Variants in TBL1Y observed in about 807,000 individuals in gnomAD.
The protein encoded by TBL1Y is transducin beta like 1 Y-linked.
A neutral mutation model predicts 12.0 loss-of-function variants in TBL1Y; 15 were observed. That is an observed-to-expected ratio of 1.25 (90% CI 0.83 to 1.92). The LOEUF is 1.92. TBL1Y is among the 40% of genes most tolerant of loss of function. The probability of loss-of-function intolerance (pLI) is 0.00; values close to 1 mark genes in which losing one functional copy is unlikely to be tolerated. For synonymous variants in TBL1Y, 53 were observed against 42.6 expected (o/e 1.24, Z -0.95); for missense variants, 148 against 116.7 (o/e 1.27, Z -1.24).
chrY:7,080,995 A>G lies in TBL1Y; in HGVS notation c.1077+142A>G. On this transcript the variant is annotated intron_variant, in intron 14 of 18. Transcript: ENST00000383032. ...TTGGCTGCTTGAGCTATAGTGGCCA[A>G]TTCAGGTGGATGGATTCAACCACTT... 4 of 242,114 alleles carry G rather than the reference A, an allele frequency of 1.7e-5. No homozygotes were observed. In the East Asian group the frequency reaches 4.3e-4, roughly 26 times the overall value. The allele number at this position is 242,114 out of a possible 400,897, so 60.4% of individuals were successfully genotyped here. A position where few individuals can be genotyped will look rare whatever the true frequency, so the allele number is the denominator to read the frequency against.
chrY:7,012,769 G>A (rs1035217941), intron 4 of TBL1Y, among the ~76,000 whole-genome samples: 2 of 33,988 alleles, frequency 5.9e-5, no homozygotes, highest in African/African-American at 1.1e-4. Context: ...ACCTCAGTAC[G>A]CTGCTTCCTG....
chrY:7,018,965 G>A (rs2012568195), intron 4 of TBL1Y, among the ~76,000 whole-genome samples: 1 of 33,438 alleles, frequency 3.0e-5, no homozygotes, highest in Non-Finnish European at 7.4e-5. Context: ...TGTTGTATCA[G>A]CTTGGAGAGC....
At chrY:7,026,997 G>A in intron 6 of TBL1Y, among the ~76,000 whole-genome samples, 1 of 3 alleles carries the variant, frequency 0.33, no homozygotes, top group African/African-American at 0.5. Context: ...CAACCTCCTA[G>A]GCTGAAGCCC....
intron 8 of TBL1Y, among the ~76,000 whole-genome samples, 155 bp downstream of exon 8, chrY:7,064,304 C>G: frequency 3.0e-5 from 1 of 33,289 alleles, no homozygotes; most frequent in East Asian, 7.9e-4. Context: ...CCCAGAAGAG[C>G]TCCCGTTCCA....
At chrY:7,028,750 C>T in intron 6 of TBL1Y, among the ~76,000 whole-genome samples, 2 of 33,566 alleles carry the variant, frequency 6.0e-5, no homozygotes, top group Non-Finnish European at 1.5e-4. Flanking sequence ...CTCTGTCTTA[C>T]GGGATCCATT....
intron 4 of TBL1Y, among the ~76,000 whole-genome samples, chrY:7,018,941 G>A: frequency 3.0e-5 from 1 of 33,544 alleles, no homozygotes; most frequent in Non-Finnish European, 7.3e-5. Context: ...CTATGGAGAA[G>A]CAGGCACATG....
At chrY:6,961,326 G>A in intron 2 of TBL1Y, among the ~76,000 whole-genome samples, 1 of 31,111 alleles carries the variant, frequency 3.2e-5, no homozygotes, top group African/African-American at 1.3e-4. Context: ...GCTGGGCCCA[G>A]GTCGGCGGCT....
chrY:7,000,595 C>T, intron 4 of TBL1Y, among the ~76,000 whole-genome samples: 7 of 33,822 alleles, frequency 2.1e-4, no homozygotes, highest in African/African-American at 8.0e-4. Context: ...TAAGACTAAA[C>T]CTGGTTCAGG....
chrY:7,014,447 T>A (rs1603038374), intron 4 of TBL1Y, among the ~76,000 whole-genome samples: 3 of 31,839 alleles, frequency 9.4e-5, no homozygotes, highest in Admixed American at 3.0e-4. Flanking sequence ...CTTTTTTTTT[T>A]AATAAATTAC....
intron 2 of TBL1Y, among the ~76,000 whole-genome samples, chrY:6,964,430 T>C (rs1010563523): frequency 3.0e-5 from 1 of 33,867 alleles, no homozygotes; most frequent in Non-Finnish European, 7.3e-5. Flanking sequence ...TCCCAGGCCC[T>C]GAGGCAAATA....
intron 2 of TBL1Y, among the ~76,000 whole-genome samples, chrY:6,943,794 T>G: frequency 2.9e-5 from 1 of 33,927 alleles, no homozygotes; most frequent in African/African-American, 1.2e-4. Flanking sequence ...AGTAGAACTT[T>G]CTACCATATG....
At position 7,091,472 on chromosome Y, in the gene TBL1Y, G is replaced by C; in HGVS notation, c.1549G>C (p.Val517Leu). The C allele has an allele frequency of 2.6e-6, 1 of 384,067 alleles. No individual in the cohort carries two copies. The highest frequency in any genetic ancestry group is 3.6e-6 in the Non-Finnish European group (1 of 276,220). ...ACAAGTACTTTGTCTTTCCTTCCAG[G>C]TGTGTGTTCTGGATCTGTGAAAGTA... is the stretch of plus-strand genomic sequence containing the variant. ...KVGASASDGS[V>L]CVLDL is the part of the protein sequence containing the mutation. The change falls in exon 19 of 19, where the codon GTG becomes CTG. Residue 517 changes from valine to leucine, a missense_variant and splice_region_variant. Physicochemically the swap from Val to Leu is conservative, Grantham distance 32. Coordinates refer to ENST00000383032, the MANE Select transcript of TBL1Y (RefSeq NM_033284.2).
At chrY:7,059,040 G>A (rs904719564) in intron 7 of TBL1Y, among the ~76,000 whole-genome samples, 1 of 32,993 alleles carries the variant, frequency 3.0e-5, no homozygotes, top group Admixed American at 2.8e-4. Flanking sequence ...GCTCTTTAAT[G>A]GTCCACAGAT....
intron 8 of TBL1Y, among the ~76,000 whole-genome samples, chrY:7,064,723 G>C (rs987102019): frequency 3.0e-5 from 1 of 33,384 alleles, no homozygotes; most frequent in South Asian, 7.0e-4. Flanking sequence ...AGCCACTTCA[G>C]CATGTATGTA....
chrY:7,070,941 T>C, intron 10 of TBL1Y, 80 bp downstream of exon 10: 1 of 343,614 alleles, frequency 2.9e-6, no homozygotes, highest in Non-Finnish European at 4.0e-6. Context: ...ATGGAATGTG[T>C]GCAGACATAG....
chrY:6,945,331 TC>T (rs2011977786), intron 2 of TBL1Y, among the ~76,000 whole-genome samples: 1 of 29,819 alleles, frequency 3.4e-5, no homozygotes, highest in Admixed American at 3.4e-4. Context: ...CTACAGCTTT[TC>T]CCCCCATCCC....
At position 6,917,368 on chromosome Y, in the gene TBL1Y, G is replaced by A. The variant is rs761352531; in HGVS notation, c.-266+5196G>A. 2.1e-4 allele frequency among the ~76,000 whole-genome samples: 7 copies of A among 33,922 alleles called. No homozygotes were observed. In the South Asian group the frequency reaches 4.6e-3, roughly 22 times the overall value. The allele number at this position is 33,922 out of a possible 37,273, so 91.0% of individuals were successfully genotyped here. ...TCTCCACCCCACCCCATGGAAAAGT[G>A]TATTCCATGAAAGTGTTCCTTCATG... On this transcript the variant is annotated intron_variant, in intron 2 of 18. Transcript: ENST00000383032.
intron 13 of TBL1Y, among the ~76,000 whole-genome samples, chrY:7,079,815 C>T (rs2013082799): frequency 3.0e-5 from 1 of 33,680 alleles, no homozygotes; most frequent in Non-Finnish European, 7.3e-5. Flanking sequence ...CAAATTAGCT[C>T]ATTGCAGTGA....
intron 6 of TBL1Y, among the ~76,000 whole-genome samples, chrY:7,037,266 T>C: frequency 1.8e-4 from 6 of 32,974 alleles, no homozygotes; most frequent in Admixed American, 1.7e-3. Flanking sequence ...ACAAAATCCA[T>C]AGATACTCAA....
Sources: gnomAD v4.1 joint callset for allele counts (sites outside exome capture counted in the v4.1 genomes callset) on GRCh38, gnomAD v4.1.1 for gene constraint, MANE v1.5 for transcripts, NCBI Gene and HGNC (gene_info 2026-07-23, HGNC 2026-07-21) for gene names.